TNS3: variants seen among roughly 807,000 people sequenced by gnomAD.
TNS3 encodes the protein tensin 3, also known as tensin-3.
Under a neutral mutation model 140.9 loss-of-function variants are expected in TNS3, and 45 were observed. That is an observed-to-expected ratio of 0.32 (90% CI 0.25 to 0.41). The LOEUF (loss-of-function observed/expected upper bound fraction) is 0.41, where lower values mean the gene tolerates loss of function less well. TNS3 is among the 10% of genes least tolerant of loss of function. The pLI is 1.00. For missense variants in TNS3, 1,716 were observed against 1,906.7 expected (o/e 0.90, Z 1.86); for synonymous variants, 815 against 788.4 (o/e 1.03, Z -0.56).
At chr7:47,424,046 T>G in intron 10 of TNS3, 55 bp downstream of exon 10, 1 of 1,561,992 alleles carries the variant, frequency 6.4e-7, no homozygotes, top group South Asian at 1.1e-5. Flanking sequence ...TTTCACATTT[T>G]TATATGTAAA....
At chr7:47,336,285 TC>T (rs1788629181) in intron 20 of TNS3, among the ~76,000 whole-genome samples, 1 of 151,446 alleles carries the variant, frequency 6.6e-6, no homozygotes, top group Non-Finnish European at 1.5e-5. Context: ...GTTTGCTAAA[TC>T]CTGTGGTGTA....
At chr7:47,281,923 C>CCCCTGA (rs71003390) in intron 28 of TNS3, among the ~76,000 whole-genome samples, 54,875 of 148,250 alleles carry the variant, frequency 0.37, 10,681 homozygotes, top group Non-Finnish European at 0.43. Flanking sequence ...CCTAGCCATG[C>CCCCTGA]CCCTGACCCT....
chr7:47,440,136 T>C (rs374876963), intron 5 of TNS3, among the ~76,000 whole-genome samples: 104 of 151,910 alleles, frequency 6.8e-4, no homozygotes, highest in African/African-American at 2.5e-3. Flanking sequence ...AAGCCAAACA[T>C]CAGCAAGCAG....
chr7:47,582,263 G>T (rs1784556035), upstream of TNS3: 1 of 347,350 alleles, frequency 2.9e-6, no homozygotes. Context: ...AATGCAGCGC[G>T]CCTCCAGGCG....
intron 5 of TNS3, among the ~76,000 whole-genome samples, chr7:47,441,782 G>A (rs1795478005): frequency 6.6e-6 from 1 of 152,200 alleles, no homozygotes; most frequent in Non-Finnish European, 1.5e-5. Context: ...TTTATTCAAA[G>A]ACAATCACAG....
intron 13 of TNS3, among the ~76,000 whole-genome samples, chr7:47,409,122 G>A (rs1160947590): frequency 6.6e-6 from 1 of 152,148 alleles, no homozygotes; most frequent in Non-Finnish European, 1.5e-5. Flanking sequence ...GGAGGGAGCA[G>A]AGAGGAGGAA....
intron 2 of TNS3, among the ~76,000 whole-genome samples, chr7:47,524,931 G>A (rs1325133045): frequency 6.6e-6 from 1 of 152,030 alleles, no homozygotes; most frequent in East Asian, 1.9e-4. Context: ...GTGAGAAGAG[G>A]GGTGAAGTCA....
chr7:47,499,522 G>C (rs1234525747), intron 3 of TNS3, among the ~76,000 whole-genome samples: 2 of 152,180 alleles, frequency 1.3e-5, no homozygotes, highest in African/African-American at 4.8e-5. Context: ...CCAGATGACA[G>C]AGTGTTATTC....
At chr7:47,392,455 T>C (rs2151300928) in intron 16 of TNS3, among the ~76,000 whole-genome samples, 1 of 152,138 alleles carries the variant, frequency 6.6e-6, no homozygotes, top group African/African-American at 2.4e-5. Context: ...AAGTCAACAT[T>C]TTTGGGGTTT....
At chr7:47,349,711 G>A (rs1041455606) in intron 17 of TNS3, among the ~76,000 whole-genome samples, 1 of 152,238 alleles carries the variant, frequency 6.6e-6, no homozygotes, top group African/African-American at 2.4e-5. Flanking sequence ...CCTTGGAAAT[G>A]AGAAGTTTGA....
rs1000575594 is a variant in TNS3, at chr7:47,513,673, T to C, written c.-152-6729A>G. Among the ~76,000 whole-genome samples, 3 of 152,170 alleles carry C rather than the reference T, an allele frequency of 2.0e-5. No homozygotes were observed. The South Asian group carries it at 6.2e-4, about 32-fold the overall frequency. ...GCAAAAACTGAAAAGCTGAAAAATCTCAAGTGAGAGGGTCAGTGACATTCC... is the reference window on the plus strand; with the variant it reads ...GCAAAAACTGAAAAGCTGAAAAATCCCAAGTGAGAGGGTCAGTGACATTCC... On this transcript the variant is annotated intron_variant, in intron 2 of 30. Coordinates refer to ENST00000311160, the MANE Select transcript of TNS3 (RefSeq NM_022748.12).
At chr7:47,481,247 CA>C in intron 3 of TNS3, 106 bp from the exon 4 acceptor site, 1 of 816,590 alleles carries the variant, frequency 1.2e-6, no homozygotes. Context: ...TCTCTAACCT[CA>C]CTCTGGCTAC....
chr7:47,383,315 C>T (rs749484290), intron 16 of TNS3, among the ~76,000 whole-genome samples: 2 of 152,112 alleles, frequency 1.3e-5, no homozygotes, highest in Non-Finnish European at 2.9e-5. Context: ...CATTGCACGA[C>T]TCCAGTGAGT....
intron 20 of TNS3, among the ~76,000 whole-genome samples, chr7:47,315,185 C>T (rs1787325449): frequency 6.6e-6 from 1 of 152,242 alleles, no homozygotes; most frequent in African/African-American, 2.4e-5. Context: ...CCCTTAATTC[C>T]CACAATATTC....
chr7:47,284,673 C>T (rs1266845785), intron 27 of TNS3, among the ~76,000 whole-genome samples: 1 of 152,244 alleles, frequency 6.6e-6, no homozygotes, highest in Non-Finnish European at 1.5e-5. Flanking sequence ...GCTGAGTAGG[C>T]TTCCTCCTGA....
Position 47,356,626 on chromosome 7 carries a change from ACC to A in TNS3, c.2282-10272_2282-10271del, listed in dbSNP as rs565141135. Among the ~76,000 whole-genome samples, 34 of 152,346 alleles carry A rather than the reference ACC, an allele frequency of 2.2e-4. No individual in the cohort carries two copies. In the East Asian group the frequency reaches 6.0e-3, roughly 27 times the overall value. ...GATGCAATATTGACTAAGACAGTAG[ACC>A]TTAGGTGCTCTTACACAAAAGTAAC... On this transcript the variant is annotated intron_variant, in intron 17 of 30. Transcript: ENST00000311160.
At chr7:47,564,607 G>A (rs1203700596) in intron 1 of TNS3, among the ~76,000 whole-genome samples, 3 of 128,990 alleles carry the variant, frequency 2.3e-5, no homozygotes, top group Non-Finnish European at 3.1e-5. Context: ...TCGCACTCCA[G>A]CCTGGGCAAC....
chr7:47,514,230 T>G (rs1004490475), intron 2 of TNS3, among the ~76,000 whole-genome samples: 1 of 152,216 alleles, frequency 6.6e-6, no homozygotes, highest in African/African-American at 2.4e-5. Context: ...GCCTGCCCAA[T>G]GCCCACATTC....
In TNS3 at chr7:47,534,602, G is replaced by A. The variant is rs188492547; in HGVS notation, c.-264-5455C>T. Among the ~76,000 whole-genome samples, 781 of 152,206 alleles carry A rather than the reference G, an allele frequency of 5.1e-3. 9 individuals are homozygous for A. The highest frequency in any genetic ancestry group is 0.018 in the African/African-American group (729 of 41,520). ...AAACCCCCCACCCCAGCTCCATCCC[G>A]TGATTCTAATTTGCGGCCAAGACAG... On this transcript the variant is annotated intron_variant, in intron 1 of 30. Transcript: ENST00000311160.
Sources: gnomAD v4.1 joint callset for allele counts (sites outside exome capture counted in the v4.1 genomes callset) on GRCh38, gnomAD v4.1.1 for gene constraint, MANE v1.5 for transcripts, NCBI Gene and HGNC (gene_info 2026-07-23, HGNC 2026-07-21) for gene names.